TMEM39B: variants seen among roughly 807,000 people sequenced by gnomAD.
The protein encoded by TMEM39B is transmembrane protein 39B.
Under a neutral mutation model 52.2 loss-of-function variants are expected in TMEM39B, and 23 were observed. That is an observed-to-expected ratio of 0.44 (90% confidence interval 0.32 to 0.62). The LOEUF (loss-of-function observed/expected upper bound fraction) is 0.62, where lower values mean the gene tolerates loss of function less well. TMEM39B is among the 20% of genes least tolerant of loss of function. TMEM39B has a pLI of 0.06. For synonymous variants in TMEM39B, 285 were observed against 264.0 expected (o/e 1.08, Z -0.77); for missense variants, 547 against 642.0 (o/e 0.85, Z 1.60).
intron 3 of TMEM39B, 127 bp from the exon 4 acceptor site, chr1:32,076,636 G>A (rs1263432718): frequency 1.0e-6 from 1 of 957,626 alleles, no homozygotes; most frequent in Admixed American, 2.0e-5. Flanking sequence ...CTCAGCTGGA[G>A]GCCGATGAAG....
chr1:32,088,564 A>ATT (rs35622976), intron 5 of TMEM39B, among the ~76,000 whole-genome samples: 8 of 123,826 alleles, frequency 6.5e-5, no homozygotes, highest in Admixed American at 1.6e-4. Flanking sequence ...CCTCACTCCC[A>ATT]TTTTTTTTTT....
intron 5 of TMEM39B, chr1:32,087,477 G>A (rs1457442686): frequency 2.0e-5 from 3 of 150,610 alleles, no homozygotes; most frequent in African/African-American, 7.3e-5. Context: ...CACAAAATTA[G>A]CCAGGCGTGG....
At chr1:32,085,241 T>C (rs976016476) in intron 5 of TMEM39B, among the ~76,000 whole-genome samples, 1 of 152,164 alleles carries the variant, frequency 6.6e-6, no homozygotes, top group African/African-American at 2.4e-5. Context: ...CATCAGATGG[T>C]AGACCTCATA....
chr1:32,088,775 G>A (rs1186750236), intron 5 of TMEM39B, among the ~76,000 whole-genome samples: 1 of 151,566 alleles, frequency 6.6e-6, no homozygotes, highest in East Asian at 1.9e-4. Flanking sequence ...GATTCTTTAA[G>A]TTTAAGCTGG....
rs559095661 is a variant in TMEM39B, at chr1:32,098,965, A to C, written c.1116-1477A>C. Among the ~76,000 whole-genome samples, 3 of 152,124 alleles carry C rather than the reference A, an allele frequency of 2.0e-5. No individual in the cohort carries two copies. The East Asian group carries it at 5.8e-4, about 30-fold the overall frequency. On this transcript the variant is annotated intron_variant, in intron 7 of 8. Transcript: ENST00000336294. The stretch of plus-strand genomic sequence containing the variant: ...TGCAGGGAACAGTTAAAGGATGCCA[A>C]ATGGGCCAGGCACGGTGGCTCATTG...
chr1:32,073,227 T>C (rs1358759066), intron 1 of TMEM39B, 176 bp downstream of exon 1: 1 of 441,514 alleles, frequency 2.3e-6, no homozygotes. Flanking sequence ...GCCTCTGTTG[T>C]GGGGGCGGGA....
In TMEM39B at chr1:32,075,841, TGTGTGTGTGTGTGTGTGTGTGTGC is replaced by T; in HGVS notation, c.351+30_351+53del. ...CTCCCTGGTAGGTACCCAACAAGGGTGTGTGTGTGTGTGTGTGTGTGTGCGTGTGTGTGTATGTGTGTGTGTGTT... is the reference window on the plus strand; with the variant it reads ...CTCCCTGGTAGGTACCCAACAAGGGTGTGTGTGTGTATGTGTGTGTGTGTT... On this transcript the variant is annotated intron_variant, in intron 3 of 8. Coordinates refer to ENST00000336294, the MANE Select transcript of TMEM39B (RefSeq NM_018056.4). The T allele has an allele frequency of 4.4e-6, 2 of 449,970 alleles. No homozygotes were observed. The highest frequency in any genetic ancestry group is 5.9e-6 in the Non-Finnish European group (2 of 337,524). 27.9% of individuals were successfully genotyped at this position (449,970 alleles called of 1,614,324 possible).
At chr1:32,087,099 C>CT (rs1205098489) in intron 5 of TMEM39B, 1 of 151,954 alleles carries the variant, frequency 6.6e-6, no homozygotes, top group Non-Finnish European at 1.5e-5. Flanking sequence ...CAGCAAGACC[C>CT]TGTCTTAATT....
At chr1:32,083,898 A>G (rs920960401) in intron 5 of TMEM39B, among the ~76,000 whole-genome samples, 2 of 152,064 alleles carry the variant, frequency 1.3e-5, no homozygotes, top group African/African-American at 2.4e-5. Flanking sequence ...GGTACAGGCT[A>G]CCATGCCCAG....
rs367948374 is a variant in TMEM39B at position 32,098,726 on chromosome 1, G to A, written c.1116-1716G>A. Among the ~76,000 whole-genome samples the A allele has an allele frequency of 1.0e-3, 153 of 152,162 alleles. 1 individual carries two copies. The highest frequency in any genetic ancestry group is 3.1e-3 in the African/African-American group (127 of 41,546). Reference sequence around the variant, plus strand: ...TGCAGTCTGGCCTAGGCGAAAGAGCGAGACTCTGTCTCAAAAAAAAAAAGA... The same window carrying A: ...TGCAGTCTGGCCTAGGCGAAAGAGCAAGACTCTGTCTCAAAAAAAAAAAGA... On this transcript the variant is annotated intron_variant, in intron 7 of 8. Transcript: ENST00000336294.
chr1:32,092,969 C>CA (rs1640666020), intron 6 of TMEM39B, among the ~76,000 whole-genome samples: 1 of 152,222 alleles, frequency 6.6e-6, no homozygotes, highest in Admixed American at 6.6e-5. Context: ...CTGGTTTTAT[C>CA]ATTTAGTAAG....
rs1054044202 is a variant in TMEM39B at position 32,102,565 on chromosome 1, C to T, written c.1371C>T (p.Phe457=). ...CCATCTCGCTGGCCCTCATCCTCTT[C>T]AGCAACTACTATGCCTTCTTCAAGC... ...HQTISLALIL[F]SNYYAFFKLL... is the part of the protein sequence containing the mutation. The change falls in exon 9 of 9, where the codon TTC becomes TTT. Residue 457 remains phenylalanine, a synonymous_variant. Coordinates refer to ENST00000336294, the MANE Select transcript of TMEM39B (RefSeq NM_018056.4). 2 of 1,614,070 alleles carry T rather than the reference C, an allele frequency of 1.2e-6. No individual in the cohort carries two copies. Among genetic ancestry groups the T allele is most frequent in the African/African-American group, 1.3e-5 (1 of 74,926 alleles).
At chr1:32,100,326 G>T (rs771071331) in intron 7 of TMEM39B, 116 bp from the exon 8 acceptor site, 1 of 1,189,364 alleles carries the variant, frequency 8.4e-7, no homozygotes. Context: ...GAAAGTCAGC[G>T]TGTCTAAGTG....
chr1:32,091,459 A>G (rs1013663150), intron 5 of TMEM39B, among the ~76,000 whole-genome samples: 2 of 152,188 alleles, frequency 1.3e-5, no homozygotes, highest in South Asian at 2.1e-4. Flanking sequence ...CATTTCTGCT[A>G]TACCCCTAGT....
chr1:32,078,484 TAA>T (rs965360433), intron 5 of TMEM39B, among the ~76,000 whole-genome samples: 2 of 143,960 alleles, frequency 1.4e-5, no homozygotes, highest in African/African-American at 5.1e-5. Flanking sequence ...GTCCTGTCTT[TAA>T]AAAAAAAAAA....
chr1:32,085,391 T>C (rs1465548400), intron 5 of TMEM39B, among the ~76,000 whole-genome samples: 1 of 152,154 alleles, frequency 6.6e-6, no homozygotes, highest in Non-Finnish European at 1.5e-5. Context: ...GCAATCATAT[T>C]TTTCATCTCT....
Position 32,075,839 on chromosome 1 carries a change from G to GGT in TMEM39B, c.351+41_351+42dup, listed in dbSNP as rs3831938. On this transcript the variant is annotated intron_variant, in intron 3 of 8. Transcript: ENST00000336294. ...ACCTCCCTGGTAGGTACCCAACAAGGGTGTGTGTGTGTGTGTGTGTGTGTG... is the reference window on the plus strand; with the variant it reads ...ACCTCCCTGGTAGGTACCCAACAAGGGTGTGTGTGTGTGTGTGTGTGTGTGTG... 0.027 allele frequency: 32,985 copies of GGT among 1,230,254 alleles called. 68 individuals carry two copies. The highest frequency in any genetic ancestry group is 0.035 in the South Asian group (2,259 of 65,266). 76.2% of individuals were successfully genotyped at this position (1,230,254 alleles called of 1,614,324 possible). A position where few individuals can be genotyped will look rare whatever the true frequency, so the allele number is the denominator to read the frequency against.
chr1:32,097,814 T>A (rs1307015829), intron 7 of TMEM39B, among the ~76,000 whole-genome samples: 1 of 151,810 alleles, frequency 6.6e-6, no homozygotes, highest in African/African-American at 2.4e-5. Context: ...CTGGCTAATT[T>A]TTTGTATTTT....
intron 1 of TMEM39B, 120 bp from the exon 2 acceptor site, chr1:32,074,831 G>C (rs2124420910): frequency 7.9e-7 from 1 of 1,264,700 alleles, no homozygotes; most frequent in Non-Finnish European, 1.1e-6. Context: ...CCAGATCATA[G>C]GTCTCAGTGA....
Sources: allele counts gnomAD v4.1 joint callset (sites outside exome capture counted in the v4.1 genomes callset), GRCh38; gene constraint gnomAD v4.1.1; transcripts MANE v1.5; gene names NCBI Gene and HGNC (gene_info 2026-07-23, HGNC 2026-07-21).